Variants in TMEM117 observed in about 807,000 individuals in gnomAD.
TMEM117 encodes the protein transmembrane protein 117.
In TMEM117, 27 loss-of-function variants were observed where a neutral mutation model predicts 52.4. That is an observed-to-expected ratio of 0.51 (90% CI 0.38 to 0.71). TMEM117 has a LOEUF of 0.71. Ranked by LOEUF, TMEM117 falls within the 30% of genes least tolerant of loss-of-function variation. The pLI is 0.00. For missense variants in TMEM117, 556 were observed against 630.5 expected (o/e 0.88, Z 1.26); for synonymous variants, 215 against 206.3 (o/e 1.04, Z -0.36).
chr12:43,805,888 A>G, the TMEM117 span: 2 of 1,456,000 alleles, frequency 1.4e-6, no homozygotes, highest in African/African-American at 2.8e-5. Flanking sequence ...GCTCTTCCCT[A>G]CGTGACCAAA....
intron 6 of TMEM117, among the ~76,000 whole-genome samples, chr12:44,372,596 GA>G (rs34063350): frequency 0.032 from 4,305 of 135,064 alleles, 111 homozygotes; most frequent in African/African-American, 0.07. Flanking sequence ...TCCCTGTGAT[GA>G]AAAAAAAAAA....
In TMEM117 at chr12:43,944,329, G is replaced by A. The variant is rs1945093722; in HGVS notation, c.397G>A (p.Asp133Asn). The A allele has an allele frequency of 6.2e-7, 1 of 1,611,556 alleles. No homozygotes were observed. The highest frequency in any genetic ancestry group is 1.7e-4 in the Middle Eastern group (1 of 6,050). Residue 133 changes from aspartate (D) to asparagine (N), a missense_variant, in exon 3 of 8, where the codon GAT becomes AAT. Asp to Asn is a conservative substitution (Grantham distance 23). Coordinates refer to ENST00000266534, the MANE Select transcript of TMEM117 (RefSeq NM_032256.3). ...SHIYNTILLMDGNMGAYIITD... is the reference protein window; with the variant it reads ...SHIYNTILLMNGNMGAYIITD... Reference sequence around the variant, plus strand: ...CATATACAACACGATTCTTCTAATGGATGGGAACATGGGGTAGGTTTTCTT... The same window carrying A: ...CATATACAACACGATTCTTCTAATGAATGGGAACATGGGGTAGGTTTTCTT...
At chr12:44,278,043 T>C (rs1950536435) in intron 5 of TMEM117, among the ~76,000 whole-genome samples, 1 of 152,112 alleles carries the variant, frequency 6.6e-6, no homozygotes, top group Non-Finnish European at 1.5e-5. Flanking sequence ...ATTACAGGCG[T>C]GAGCCACTGC....
chr12:44,287,585 T>C (rs1950653410), intron 5 of TMEM117, among the ~76,000 whole-genome samples: 1 of 152,202 alleles, frequency 6.6e-6, no homozygotes, highest in Non-Finnish European at 1.5e-5. Flanking sequence ...TACTTTTCAA[T>C]GTTAAGTACT....
chr12:43,846,867 G>A (rs1455021024), intron 2 of TMEM117, among the ~76,000 whole-genome samples: 2 of 152,080 alleles, frequency 1.3e-5, no homozygotes, highest in African/African-American at 2.4e-5. Flanking sequence ...ACACATACAC[G>A]TAGTATTATG....
chr12:44,043,657 A>G (rs1365048358), intron 3 of TMEM117, among the ~76,000 whole-genome samples: 1 of 152,144 alleles, frequency 6.6e-6, no homozygotes, highest in Non-Finnish European at 1.5e-5. Context: ...TCTCCTCAGA[A>G]GTCACCCCCA....
intron 3 of TMEM117, among the ~76,000 whole-genome samples, chr12:44,047,240 T>G (rs1286894745): frequency 6.6e-6 from 1 of 152,186 alleles, no homozygotes; most frequent in Admixed American, 6.5e-5. Flanking sequence ...ATTCTGTTAT[T>G]TTTTGCTCTC....
chr12:43,830,461 T>A, the TMEM117 span, among the ~76,000 whole-genome samples: 3 of 151,026 alleles, frequency 2.0e-5, no homozygotes, highest in Non-Finnish European at 4.4e-5. Flanking sequence ...ACAAAAAAAA[T>A]TAGCCAGGCG....
At chr12:44,392,630 G>A (rs1308718736), downstream of TMEM117, among the ~76,000 whole-genome samples, 7 of 151,532 alleles carry the variant, frequency 4.6e-5, no homozygotes, top group East Asian at 1.9e-4. Flanking sequence ...CCATTAACTC[G>A]TCATTTAACA....
intron 3 of TMEM117, among the ~76,000 whole-genome samples, chr12:44,061,043 A>G (rs1429872556): frequency 6.6e-6 from 1 of 152,206 alleles, no homozygotes; most frequent in Non-Finnish European, 1.5e-5. Context: ...TTAAGTAGAC[A>G]GTATTTTCAC....
At chr12:44,130,336 G>GCTGC (rs1265097474) in intron 3 of TMEM117, among the ~76,000 whole-genome samples, 1 of 152,174 alleles carries the variant, frequency 6.6e-6, no homozygotes, top group Non-Finnish European at 1.5e-5. Flanking sequence ...GATCCCAGAA[G>GCTGC]CTGCCCTCTG....
chr12:44,352,979 A>T (rs541048924), intron 6 of TMEM117, among the ~76,000 whole-genome samples: 2 of 152,160 alleles, frequency 1.3e-5, no homozygotes, highest in African/African-American at 4.8e-5. Context: ...CTTTTTAATG[A>T]TCGCCATTCT....
chr12:43,813,231 GTTTTTTTTTTT>G, the TMEM117 span, among the ~76,000 whole-genome samples: 31 of 62,666 alleles, frequency 4.9e-4, no homozygotes, highest in African/African-American at 1.5e-3. Flanking sequence ...GTTTTCTCTT[GTTTTTTTTTTT>G]TTTTTTTTTT....
rs1565686051 is a variant in TMEM117 at position 44,298,049 on chromosome 12, T to TTTTTTTTTTTTTTTTTTG, written c.609-1531_609-1530insTTTTTTTTTTTTTTTTTG. On this transcript the variant is annotated intron_variant, in intron 5 of 7. Coordinates refer to ENST00000266534, the MANE Select transcript of TMEM117 (RefSeq NM_032256.3). ...AGGTTTAATAGGAATGTTTATTTTC[T>TTTTTTTTTTTTTTTTTTG]AAAATTTTAAAAAATAATGTATCTT... 4.6e-4 allele frequency among the ~76,000 whole-genome samples: 69 copies of TTTTTTTTTTTTTTTTTTG among 151,074 alleles called. 1 individual carries two copies. Among genetic ancestry groups the TTTTTTTTTTTTTTTTTTG allele is most frequent in the African/African-American group, 1.7e-3 (67 of 40,486 alleles).
the TMEM117 span, among the ~76,000 whole-genome samples, chr12:43,813,759 G>T: frequency 6.6e-6 from 1 of 152,064 alleles, no homozygotes; most frequent in African/African-American, 2.4e-5. Context: ...AATAGCACAG[G>T]TCTAGCTAAA....
At chr12:44,314,306 G>C (rs987860651) in intron 6 of TMEM117, among the ~76,000 whole-genome samples, 1 of 152,002 alleles carries the variant, frequency 6.6e-6, no homozygotes, top group African/African-American at 2.4e-5. Flanking sequence ...TATAATGAAG[G>C]GAGGTTGGAT....
chr12:44,389,463 A>T lies in TMEM117; in HGVS notation c.*791A>T, dbSNP rs553617155. ...CGAACTCTCAAATTTATTGGCATTT[A>T]CACAAAGTCCCAGACAACCAAGGAA... On this transcript the variant is annotated 3_prime_UTR_variant, in exon 8 of 8. Coordinates refer to ENST00000266534, the MANE Select transcript of TMEM117 (RefSeq NM_032256.3). The T allele has an allele frequency of 6.5e-6, 1 of 152,700 alleles. No individual in the cohort carries two copies. Among genetic ancestry groups the T allele is most frequent in the African/African-American group, 2.4e-5 (1 of 41,574 alleles). The allele number at this position is 152,700 out of a possible 1,614,324, so 9.5% of individuals were successfully genotyped here.
chr12:44,230,508 TCAGATTCTCACCCTCTTTCTCCTGAAGAA>T (rs1949918343), intron 5 of TMEM117, among the ~76,000 whole-genome samples: 1 of 152,066 alleles, frequency 6.6e-6, no homozygotes, highest in Non-Finnish European at 1.5e-5. Flanking sequence ...ATTTCCTTGT[TCAGATTCTCACCCTCTTTCTCCTGAAGAA>T]CATCAACAGC....
chr12:43,843,669 T>TA (rs1177723944), intron 1 of TMEM117, among the ~76,000 whole-genome samples: 1 of 152,196 alleles, frequency 6.6e-6, no homozygotes, highest in African/African-American at 2.4e-5. Context: ...TCTTCACTAG[T>TA]AAAAAAATTC....
Sources: gnomAD v4.1 joint callset for allele counts (sites outside exome capture counted in the v4.1 genomes callset) on GRCh38, gnomAD v4.1.1 for gene constraint, MANE v1.5 for transcripts, NCBI Gene and HGNC (gene_info 2026-07-23, HGNC 2026-07-21) for gene names.